LIN9: variants seen among roughly 807,000 people sequenced by gnomAD.
The protein encoded by LIN9 is lin-9 DREAM MuvB core complex component, also known as protein lin-9 homolog.
In LIN9, 18 loss-of-function variants were observed where a neutral mutation model predicts 78.0. The ratio of observed to expected loss-of-function variants is 0.23; its 90% CI spans 0.16 to 0.34. The LOEUF is 0.34. Among genes scored for constraint, LIN9 ranks in the 10% least tolerant of loss-of-function variants. The pLI, the probability that LIN9 is intolerant of heterozygous loss-of-function variation, is 1.00. For synonymous variants in LIN9, 192 were observed against 215.2 expected, an observed-to-expected ratio of 0.89 and a Z score of 0.94; for missense variants, 451 against 644.1, an observed-to-expected ratio of 0.70 and a Z score of 3.25.
chr1:226,297,705 A>G lies in LIN9; in HGVS notation c.159+14T>C. The stretch of plus-strand genomic sequence containing the variant: ...TAGAATTATTCTAAAATGTAAGAAA[A>G]ACTCACTCCTTACCATTTCCACAGC... On this transcript the variant is annotated intron_variant, in intron 3 of 14. Coordinates refer to ENST00000681046, the MANE Select transcript of LIN9 (RefSeq NM_001366245.2). The G allele has an allele frequency of 6.6e-7, 1 of 1,510,544 alleles. No homozygotes were observed. The highest frequency in any genetic ancestry group is 1.3e-5 in the South Asian group (1 of 78,192). The allele number at this position is 1,510,544 out of a possible 1,614,324, so 93.6% of individuals were successfully genotyped here. A position where few individuals can be genotyped will look rare whatever the true frequency, so the allele number is the denominator to read the frequency against.
chr1:226,260,702 T>G (rs947273359), intron 10 of LIN9, among the ~76,000 whole-genome samples: 1 of 125,846 alleles, frequency 7.9e-6, no homozygotes, highest in Non-Finnish European at 1.6e-5. Context: ...CGGAGTGCAG[T>G]GGCACGAACT....
intron 6 of LIN9, among the ~76,000 whole-genome samples, chr1:226,278,971 A>AC (rs1660856610): frequency 6.6e-6 from 1 of 151,262 alleles, no homozygotes; most frequent in Non-Finnish European, 1.5e-5. Context: ...AAAAAAAAAA[A>AC]AACCAAAAAA....
At chr1:226,232,666 T>G in intron 14 of LIN9, 60 bp from the exon 15 acceptor site, 1 of 1,030,912 alleles carries the variant, frequency 9.7e-7, no homozygotes. Context: ...AAAAAATTTT[T>G]AAAAGAAGAC....
intron 6 of LIN9, among the ~76,000 whole-genome samples, chr1:226,284,936 A>G (rs573034030): frequency 2.7e-4 from 41 of 152,216 alleles, no homozygotes; most frequent in African/African-American, 9.1e-4. Flanking sequence ...AGTTTCACCA[A>G]TTGATTTTTA....
At chr1:226,303,141 T>C (rs951535198) in intron 1 of LIN9, among the ~76,000 whole-genome samples, 3 of 152,146 alleles carry the variant, frequency 2.0e-5, no homozygotes, top group Admixed American at 6.6e-5. Context: ...GCAGCAATAG[T>C]AGACAATACA....
chr1:226,244,581 T>C (rs1409423089), intron 11 of LIN9, among the ~76,000 whole-genome samples: 2 of 152,194 alleles, frequency 1.3e-5, no homozygotes, highest in African/African-American at 4.8e-5. Flanking sequence ...AAGATTTTCT[T>C]GTGTGGCTTA....
chr1:226,286,833 T>C (rs1436607556), intron 5 of LIN9, among the ~76,000 whole-genome samples: 23 of 152,166 alleles, frequency 1.5e-4, no homozygotes, highest in Non-Finnish European at 3.4e-4. Flanking sequence ...ATTAAACCAG[T>C]CTTGGGACAC....
intron 7 of LIN9, among the ~76,000 whole-genome samples, chr1:226,275,111 C>T (rs1287566826): frequency 1.3e-5 from 2 of 152,086 alleles, no homozygotes; most frequent in African/African-American, 4.8e-5. Flanking sequence ...CAGATCTTTT[C>T]GATCCCATCA....
At chr1:226,309,550 C>T (rs1449362101), upstream of LIN9, 9 of 1,180,144 alleles carry the variant, frequency 7.6e-6, no homozygotes, top group Admixed American at 3.1e-4. Flanking sequence ...GGGAGGGAGG[C>T]CCCGGCGGGG....
At chr1:226,248,864 A>G (rs1351139861) in intron 11 of LIN9, among the ~76,000 whole-genome samples, 4 of 152,212 alleles carry the variant, frequency 2.6e-5, no homozygotes, top group Non-Finnish European at 4.4e-5. Flanking sequence ...CTATTTTTAC[A>G]TAAATAAAAC....
chr1:226,291,966 T>C (rs770434008), intron 4 of LIN9, among the ~76,000 whole-genome samples: 4 of 151,856 alleles, frequency 2.6e-5, no homozygotes, highest in Non-Finnish European at 5.9e-5. Context: ...AATTTATAAG[T>C]GAGGAGATGT....
intron 7 of LIN9, among the ~76,000 whole-genome samples, chr1:226,276,455 G>C (rs1259858483): frequency 1.3e-5 from 2 of 152,124 alleles, no homozygotes. Flanking sequence ...TACACAGTGA[G>C]TTGTCAATAT....
chr1:226,240,891 A>G (rs1658065684), intron 11 of LIN9, among the ~76,000 whole-genome samples: 1 of 152,192 alleles, frequency 6.6e-6, no homozygotes. Context: ...GAATCCTCAC[A>G]ATAACCCCAT....
upstream of LIN9, chr1:226,309,607 C>T (rs1663174947): frequency 8.0e-7 from 1 of 1,248,724 alleles, no homozygotes; most frequent in Admixed American, 2.6e-5. Flanking sequence ...GGGGGCTCTA[C>T]GCAAAGTGAA....
intron 1 of LIN9, chr1:226,308,786 AG>A: frequency 5.3e-6 from 1 of 189,664 alleles, no homozygotes; most frequent in Non-Finnish European, 1.1e-5. Context: ...CCCCGCGCCC[AG>A]GGGCCGCTCT....
At chr1:226,303,796 A>G (rs1174305027) in intron 1 of LIN9, among the ~76,000 whole-genome samples, 2 of 152,140 alleles carry the variant, frequency 1.3e-5, no homozygotes, top group African/African-American at 4.8e-5. Flanking sequence ...TAGTAGAGAC[A>G]GGGTTTCGCC....
At chr1:226,266,730 T>C (rs998927909) in intron 8 of LIN9, among the ~76,000 whole-genome samples, 2 of 152,060 alleles carry the variant, frequency 1.3e-5, no homozygotes, top group African/African-American at 2.4e-5. Flanking sequence ...GGGAGAAATA[T>C]TTGGGTGATC....
rs1026608316 is a variant in LIN9 at position 226,277,946 on chromosome 1, T to TA, written c.525-15dup. 1 of 1,592,668 alleles carries TA rather than the reference T, an allele frequency of 6.3e-7. No homozygotes were observed. Among genetic ancestry groups the TA allele is most frequent in the Non-Finnish European group, 8.6e-7 (1 of 1,168,800 alleles). On this transcript the variant is annotated splice_polypyrimidine_tract_variant and intron_variant, in intron 6 of 14. Coordinates refer to ENST00000681046, the MANE Select transcript of LIN9 (RefSeq NM_001366245.2). ...GCAGAAGAACATCTAGAATAAATTA[T>TA]AAAAAACATACAAACTGATAACTAC...
chr1:226,295,147 C>A (rs1278438968), intron 4 of LIN9, among the ~76,000 whole-genome samples: 2 of 152,048 alleles, frequency 1.3e-5, no homozygotes, highest in East Asian at 3.9e-4. Context: ...GATACGATTT[C>A]ATGCTAAATA....
Sources: gnomAD v4.1 joint callset for allele counts (sites outside exome capture counted in the v4.1 genomes callset) on GRCh38, gnomAD v4.1.1 for gene constraint, MANE v1.5 for transcripts, NCBI Gene and HGNC (gene_info 2026-07-23, HGNC 2026-07-21) for gene names.